Variants in TANGO6 observed in about 807,000 individuals in gnomAD.
The protein encoded by TANGO6 is transport and Golgi organization protein 6 homolog.
TANGO6 carries 90 observed loss-of-function variants against 114.2 expected under a neutral mutation model. The observed-to-expected ratio is 0.79, with a 90% CI of 0.66 to 0.94. The LOEUF is 0.94. Among genes scored for constraint, TANGO6 ranks in the 40% least tolerant of loss-of-function variants. The probability of loss-of-function intolerance (pLI) is 0.00; values close to 1 mark genes in which losing one functional copy is unlikely to be tolerated. For missense variants in TANGO6, 1,274 were observed against 1,315.3 expected (o/e 0.97, Z 0.49); for synonymous variants, 477 against 509.8 (o/e 0.94, Z 0.87).
chr16:68,932,155 A>G (rs551468745), intron 14 of TANGO6, among the ~76,000 whole-genome samples: 1 of 152,112 alleles, frequency 6.6e-6, no homozygotes, highest in Admixed American at 6.5e-5. Flanking sequence ...CAATGGCACA[A>G]TCTCAGCTCA....
At chr16:68,883,067 C>G (rs1016768165) in intron 7 of TANGO6, among the ~76,000 whole-genome samples, 1 of 152,048 alleles carries the variant, frequency 6.6e-6, no homozygotes, top group African/African-American at 2.4e-5. Flanking sequence ...TGTGGTGGCA[C>G]GTGCCTGTAA....
intron 17 of TANGO6, among the ~76,000 whole-genome samples, chr16:69,056,576 C>CA (rs535868428): frequency 0.012 from 1,517 of 128,770 alleles, 12 homozygotes; most frequent in African/African-American, 0.025. Flanking sequence ...AGTCCTGCAG[C>CA]AAAAAAAAAA....
intron 15 of TANGO6, among the ~76,000 whole-genome samples, chr16:69,022,175 C>T (rs1302157709): frequency 2.6e-5 from 4 of 151,848 alleles, no homozygotes; most frequent in Non-Finnish European, 4.4e-5. Flanking sequence ...CGTGAGCCAC[C>T]GCGCCTGGCC....
intron 15 of TANGO6, among the ~76,000 whole-genome samples, chr16:68,978,195 T>C (rs546011168): frequency 3.9e-5 from 6 of 152,194 alleles, no homozygotes; most frequent in Non-Finnish European, 7.3e-5. Flanking sequence ...ACGTAACATG[T>C]ATTTTCTCTG....
chr16:68,864,048 C>T (rs532811482), intron 3 of TANGO6, among the ~76,000 whole-genome samples: 1 of 151,976 alleles, frequency 6.6e-6, no homozygotes, highest in Non-Finnish European at 1.5e-5. Context: ...GTGACGCATG[C>T]CTGTAATCCC....
At chr16:69,060,952 A>T (rs1195610965) in intron 17 of TANGO6, among the ~76,000 whole-genome samples, 1 of 152,020 alleles carries the variant, frequency 6.6e-6, no homozygotes, top group Non-Finnish European at 1.5e-5. Context: ...AGATAGCGCC[A>T]CTGCACTCCA....
At chr16:68,983,180 A>G (rs768072300) in intron 15 of TANGO6, among the ~76,000 whole-genome samples, 1 of 152,076 alleles carries the variant, frequency 6.6e-6, no homozygotes, top group Non-Finnish European at 1.5e-5. Context: ...TGTGGCTCTC[A>G]TTTGGATCCC....
intron 17 of TANGO6, among the ~76,000 whole-genome samples, chr16:69,046,859 G>A (rs1188159998): frequency 6.6e-6 from 1 of 151,962 alleles, no homozygotes; most frequent in African/African-American, 2.4e-5. Context: ...AGAACAGAGA[G>A]GAAAAAGAAA....
chr16:68,983,699 CTCA>C (rs1963862623), intron 15 of TANGO6, among the ~76,000 whole-genome samples: 1 of 152,124 alleles, frequency 6.6e-6, no homozygotes, highest in Non-Finnish European at 1.5e-5. Flanking sequence ...ACATCCGTTC[CTCA>C]TCATCATCAC....
intron 15 of TANGO6, among the ~76,000 whole-genome samples, chr16:69,016,421 G>A (rs575858658): frequency 1.1e-4 from 17 of 151,800 alleles, no homozygotes; most frequent in African/African-American, 2.9e-4. Context: ...AAGATTTGCC[G>A]GATGAATGAA....
chr16:69,015,742 A>C (rs1157277298), intron 15 of TANGO6, among the ~76,000 whole-genome samples: 1 of 152,110 alleles, frequency 6.6e-6, no homozygotes, highest in African/African-American at 2.4e-5. Flanking sequence ...TGCTTCCCAA[A>C]GTGCTGGGAT....
chr16:69,021,965 A>G (rs960730404), intron 15 of TANGO6, among the ~76,000 whole-genome samples: 1 of 150,056 alleles, frequency 6.7e-6, no homozygotes, highest in African/African-American at 2.5e-5. Context: ...GGCTCACTGC[A>G]AGCTCCGCCT....
intron 15 of TANGO6, among the ~76,000 whole-genome samples, chr16:69,018,705 G>A (rs1017210209): frequency 2.6e-5 from 4 of 151,528 alleles, no homozygotes. Flanking sequence ...GGCGGATCAC[G>A]AGGTCAGGAG....
intron 12 of TANGO6, among the ~76,000 whole-genome samples, chr16:68,921,607 CTT>C (rs1167059062): frequency 6.9e-5 from 4 of 57,916 alleles, no homozygotes; most frequent in African/African-American, 2.5e-4. Context: ...TGAGAGTGTG[CTT>C]TTTTTTTTTT....
At chr16:68,905,098 C>T (rs1476847207) in intron 9 of TANGO6, among the ~76,000 whole-genome samples, 5 of 151,780 alleles carry the variant, frequency 3.3e-5, no homozygotes, top group Non-Finnish European at 7.4e-5. Context: ...GGCATGGTGG[C>T]GCATGCCTGT....
At chr16:68,952,775 G>A (rs922437631) in intron 14 of TANGO6, among the ~76,000 whole-genome samples, 1 of 152,064 alleles carries the variant, frequency 6.6e-6, no homozygotes, top group Non-Finnish European at 1.5e-5. Context: ...AATGAATTGA[G>A]CCTCAGGGAA....
intron 15 of TANGO6, among the ~76,000 whole-genome samples, chr16:68,986,101 T>G (rs1218896555): frequency 6.6e-6 from 1 of 152,166 alleles, no homozygotes; most frequent in African/African-American, 2.4e-5. Context: ...CAAAGAACAG[T>G]ACTTCTTAAT....
chr16:68,859,819 TCCACAGGGGG>T, intron 1 of TANGO6, 55 bp from the exon 2 acceptor site: 1 of 1,476,762 alleles, frequency 6.8e-7, no homozygotes. Flanking sequence ...GGCAGGGCAT[TCCACAGGGGG>T]AAGTGCAGCT....
intron 1 of TANGO6, among the ~76,000 whole-genome samples, chr16:68,856,953 C>CAA (rs1206204801): frequency 6.6e-6 from 1 of 151,998 alleles, no homozygotes; most frequent in Admixed American, 6.6e-5. Context: ...ACTAAAAATA[C>CAA]AAAAAATTAG....
Sources: allele counts gnomAD v4.1 joint callset (sites outside exome capture counted in the v4.1 genomes callset), GRCh38; gene constraint gnomAD v4.1.1; transcripts MANE v1.5; gene names NCBI Gene and HGNC (gene_info 2026-07-23, HGNC 2026-07-21).